PTPRD: variants seen among roughly 807,000 people sequenced by gnomAD.
PTPRD encodes the protein receptor-type tyrosine-protein phosphatase delta.
Under a neutral mutation model 214.5 loss-of-function variants are expected in PTPRD, and 34 were observed. That is an observed-to-expected ratio of 0.16 (90% CI 0.12 to 0.21). PTPRD has a LOEUF of 0.21. Among genes scored for constraint, PTPRD ranks in the 10% least tolerant of loss-of-function variants. The pLI is 1.00. For missense variants in PTPRD, 2,545 were observed against 2,398.7 expected (o/e 1.06, Z -1.27); for synonymous variants, 1,128 against 845.7 (o/e 1.33, Z -5.79).
At chr9:8,389,577 G>A (rs768335723) in intron 36 of PTPRD, among the ~76,000 whole-genome samples, 170 bp from the exon 37 acceptor site, 4 of 152,072 alleles carry the variant, frequency 2.6e-5, no homozygotes, top group South Asian at 2.1e-4. Context: ...TATTAGAACC[G>A]TCATGTTAAA....
chr9:10,595,410 T>C (rs1031761165), intron 2 of PTPRD, among the ~76,000 whole-genome samples: 1 of 151,796 alleles, frequency 6.6e-6, no homozygotes, highest in Non-Finnish European at 1.5e-5. Flanking sequence ...GAAAAATCAG[T>C]GATAATTCAG....
intron 5 of PTPRD, among the ~76,000 whole-genome samples, chr9:9,808,828 G>A (rs2046249137): frequency 6.6e-6 from 1 of 152,102 alleles, no homozygotes; most frequent in African/African-American, 2.4e-5. Context: ...CTAGAACGCA[G>A]TGGCTCAATC....
At chr9:9,564,169 A>G (rs913376205) in intron 8 of PTPRD, among the ~76,000 whole-genome samples, 2 of 152,144 alleles carry the variant, frequency 1.3e-5, no homozygotes, top group African/African-American at 2.4e-5. Flanking sequence ...TGAGCTTTTT[A>G]AAGTTTAAGT....
intron 3 of PTPRD, among the ~76,000 whole-genome samples, chr9:10,274,732 A>C (rs1254383120): frequency 6.6e-6 from 1 of 152,154 alleles, no homozygotes; most frequent in African/African-American, 2.4e-5. Flanking sequence ...AAGAAAAGCT[A>C]TTCCATTTAA....
At chr9:10,280,058 T>A (rs924931888) in intron 3 of PTPRD, among the ~76,000 whole-genome samples, 1 of 152,198 alleles carries the variant, frequency 6.6e-6, no homozygotes, top group South Asian at 2.1e-4. Context: ...ATATAATTTT[T>A]ATTGTTAAAT....
intron 3 of PTPRD, among the ~76,000 whole-genome samples, chr9:10,226,743 A>G (rs2099590118): frequency 6.6e-6 from 1 of 151,990 alleles, no homozygotes. Context: ...TGTCAGCATG[A>G]GATAAAATCT....
intron 14 of PTPRD, among the ~76,000 whole-genome samples, chr9:8,545,296 T>C (rs555748176): frequency 6.6e-6 from 1 of 152,294 alleles, no homozygotes; most frequent in South Asian, 2.1e-4. Flanking sequence ...CAGGGACCCA[T>C]TTCTGATAAT....
chr9:10,119,071 G>T (rs915190097), intron 3 of PTPRD, among the ~76,000 whole-genome samples: 7 of 151,808 alleles, frequency 4.6e-5, no homozygotes, highest in Non-Finnish European at 8.8e-5. Flanking sequence ...CAAACGTAGA[G>T]TTCCACTTAA....
chr9:10,551,724 CCTTGAATGAACTAAGACAA>C (rs1324038365), intron 2 of PTPRD, among the ~76,000 whole-genome samples: 1 of 152,090 alleles, frequency 6.6e-6, no homozygotes, highest in African/African-American at 2.4e-5. Context: ...TGCTACAGTA[CCTTGAATGAACTAAGACAA>C]CTTGCTTCCC....
In PTPRD at chr9:9,638,802, G is replaced by C. The variant is rs1257076734; in HGVS notation, c.-286-64021C>G. On this transcript the variant is annotated intron_variant, in intron 7 of 45. Coordinates refer to ENST00000381196, the MANE Select transcript of PTPRD (RefSeq NM_002839.4). Reference sequence around the variant, plus strand: ...CCAATAGACAGTCCTCACAGTTCTAGAGGCTGGCAGATTTGGTGTCTGGTG... The same window carrying C: ...CCAATAGACAGTCCTCACAGTTCTACAGGCTGGCAGATTTGGTGTCTGGTG... Among the ~76,000 whole-genome samples the C allele has an allele frequency of 4.5e-4, 68 of 152,274 alleles. 1 individual carries two copies. The highest frequency in any genetic ancestry group is 1.5e-5 in the Non-Finnish European group (1 of 68,026).
chr9:10,009,587 G>A lies in PTPRD; in HGVS notation c.-472+24131C>T, dbSNP rs115259769. On this transcript the variant is annotated intron_variant, in intron 4 of 45. Transcript: ENST00000381196. ...TCATTATGTAGATGAAGTCTCATAGGTGCCTACCTTAGAGGCAACAGACTG... is the reference window on the plus strand; with the variant it reads ...TCATTATGTAGATGAAGTCTCATAGATGCCTACCTTAGAGGCAACAGACTG... 6.1e-3 allele frequency among the ~76,000 whole-genome samples: 932 copies of A among 151,966 alleles called. 8 individuals are homozygous for A. The highest frequency in any genetic ancestry group is 0.021 in the African/African-American group (866 of 41,472).
At chr9:8,940,756 C>T (rs2099028536) in intron 11 of PTPRD, among the ~76,000 whole-genome samples, 2 of 152,084 alleles carry the variant, frequency 1.3e-5, no homozygotes, top group South Asian at 4.1e-4. Context: ...CATTTGACTT[C>T]ACTACCCCTT....
intron 9 of PTPRD, among the ~76,000 whole-genome samples, chr9:9,369,794 G>A (rs1483469525): frequency 6.6e-6 from 1 of 152,146 alleles, no homozygotes; most frequent in East Asian, 1.9e-4. Context: ...TGTATAAGGT[G>A]TAAGGAAGGG....
intron 3 of PTPRD, among the ~76,000 whole-genome samples, chr9:10,228,224 G>A (rs555810466): frequency 1.8e-4 from 27 of 152,106 alleles, no homozygotes; most frequent in Non-Finnish European, 3.5e-4. Flanking sequence ...AGAAATGACT[G>A]TACAAGTAAT....
intron 3 of PTPRD, among the ~76,000 whole-genome samples, chr9:10,051,773 T>C (rs1217378214): frequency 6.6e-6 from 1 of 152,162 alleles, no homozygotes; most frequent in Non-Finnish European, 1.5e-5. Context: ...AAAAGAATAT[T>C]ATCTTCTTCG....
intron 14 of PTPRD, among the ~76,000 whole-genome samples, chr9:8,596,647 G>T (rs2094493069): frequency 6.6e-6 from 1 of 151,972 alleles, no homozygotes; most frequent in African/African-American, 2.4e-5. Flanking sequence ...CATTATAATT[G>T]ATTAAAAGGA....
intron 11 of PTPRD, among the ~76,000 whole-genome samples, chr9:8,931,790 G>C (rs2098954393): frequency 6.6e-6 from 1 of 151,970 alleles, no homozygotes; most frequent in Admixed American, 6.6e-5. Flanking sequence ...AATCTGTCTG[G>C]TCCTGGTTTT....
chr9:10,333,383 T>C (rs552351726), intron 3 of PTPRD, among the ~76,000 whole-genome samples: 5 of 151,884 alleles, frequency 3.3e-5, no homozygotes, highest in South Asian at 2.1e-4. Flanking sequence ...AGCTGTACCG[T>C]TCATATTATT....
At chr9:10,481,236 T>C (rs371910654) in intron 2 of PTPRD, among the ~76,000 whole-genome samples, 2 of 152,184 alleles carry the variant, frequency 1.3e-5, no homozygotes, top group East Asian at 3.8e-4. Context: ...CCAATGAATG[T>C]CATTTGGGTG....
Sources: gnomAD v4.1 joint callset for allele counts (sites outside exome capture counted in the v4.1 genomes callset) on GRCh38, gnomAD v4.1.1 for gene constraint, MANE v1.5 for transcripts, NCBI Gene and HGNC (gene_info 2026-07-23, HGNC 2026-07-21) for gene names.